Variants in ZKSCAN7 observed in about 807,000 individuals in gnomAD.
ZKSCAN7 encodes zinc finger protein with KRAB and SCAN domains 7.
ZKSCAN7 carries 38 observed loss-of-function variants against 65.3 expected under a neutral mutation model. That is an observed-to-expected ratio of 0.58 (90% CI 0.45 to 0.76). ZKSCAN7 has a LOEUF of 0.76. Among genes scored for constraint, ZKSCAN7 ranks in the 30% least tolerant of loss-of-function variants. The pLI is 0.00. For missense variants in ZKSCAN7, 815 were observed against 913.3 expected (o/e 0.89, Z 1.39); for synonymous variants, 321 against 321.0 (o/e 1.00, Z 0.00).
In ZKSCAN7 at chr3:44,571,401, A is replaced by G; in HGVS notation, c.*26A>G. On this transcript the variant is annotated 3_prime_UTR_variant, in exon 6 of 6. Coordinates refer to ENST00000426540, the MANE Select transcript of ZKSCAN7 (RefSeq NM_001288590.2). ...GGTATGGTTCTCTGAGACAGAGAGC[A>G]ACGACCTTTGAGTTAAGCTGTCTTT... 1 of 1,612,158 alleles carries G rather than the reference A, an allele frequency of 6.2e-7. No homozygotes were observed. Among genetic ancestry groups the G allele is most frequent in the Non-Finnish European group, 8.5e-7 (1 of 1,180,026 alleles).
chr3:44,557,365 C>T lies in ZKSCAN7; in HGVS notation c.318C>T (p.Leu106=). ...TGCTTGAGCAGTTCCTGAGCATCCT[C>T]CCTGGGGAGCTCCGGACCTGGGTGC... is the stretch of plus-strand genomic sequence containing the variant. The part of the protein sequence containing the change: ...LLVLEQFLSI[L]PGELRTWVQL... Residue 106 remains leucine, a synonymous_variant, in exon 2 of 6, where the codon CTC becomes CTT. Transcript: ENST00000426540. 6.2e-7 allele frequency: 1 copy of T among 1,614,230 alleles called. No individual in the cohort carries two copies.
downstream of ZKSCAN7, among the ~76,000 whole-genome samples, chr3:44,574,143 ACTTT>A (rs1699879628): frequency 6.6e-6 from 1 of 151,962 alleles, no homozygotes; most frequent in South Asian, 2.1e-4. Context: ...ACAGGGTCTC[ACTTT>A]CTTACCCAGG....
chr3:44,580,793 C>G, intron 5 of ZKSCAN7: 5 of 1,612,858 alleles, frequency 3.1e-6, no homozygotes, highest in Non-Finnish European at 4.2e-6. Flanking sequence ...AGAGGCCATG[C>G]TCGTAAAGGA....
intron 5 of ZKSCAN7, chr3:44,578,105 G>A (rs1699962687): frequency 1.9e-6 from 3 of 1,563,000 alleles, no homozygotes; most frequent in Admixed American, 3.3e-5. Context: ...CACTGTCAGG[G>A]GACTTTTCCC....
intron 5 of ZKSCAN7, chr3:44,580,146 T>C (rs1387501923): frequency 6.2e-7 from 1 of 1,610,742 alleles, no homozygotes. Context: ...CCTCCTGTGG[T>C]TGGGGGTGCT....
At chr3:44,568,246 C>A in intron 4 of ZKSCAN7, 61 bp from the exon 5 acceptor site, 7 of 1,588,520 alleles carry the variant, frequency 4.4e-6, no homozygotes, top group Non-Finnish European at 6.0e-6. Context: ...CCTTCGTACC[C>A]CTGATGACTC....
At chr3:44,574,340 C>A (rs1357637475), downstream of ZKSCAN7, among the ~76,000 whole-genome samples, 1 of 152,118 alleles carries the variant, frequency 6.6e-6, no homozygotes, top group Admixed American at 6.5e-5. Context: ...TCTTGAACTC[C>A]TGGGCTCAAG....
Position 44,570,944 on chromosome 3 carries a change from T to C in ZKSCAN7, c.1834T>C (p.Cys612Arg), listed in dbSNP as rs1699789019. ...TGEKPFECSE[C>R]GKAFGLSKCL... ...AGAAAAACCTTTTGAATGTAGCGAG[T>C]GTGGTAAGGCATTTGGTCTGAGTAA... is the stretch of plus-strand genomic sequence containing the variant. The change falls in exon 6 of 6, where the codon TGT (cysteine) becomes CGT (arginine). Residue 612 changes from cysteine (C) to arginine (R), a missense_variant. Cys to Arg is a radical substitution (Grantham distance 180). Around this residue, in one of 3 missense-constraint regions of ZKSCAN7, gnomAD observed 578 missense variants for 629.5 expected, o/e 0.92. Transcript: ENST00000426540. 3 of 1,613,990 alleles carry C rather than the reference T, an allele frequency of 1.9e-6. No individual in the cohort carries two copies. Among genetic ancestry groups the C allele is most frequent in the Non-Finnish European group, 2.5e-6 (3 of 1,179,996 alleles).
rs1282992109 is a variant in ZKSCAN7 at position 44,558,758 on chromosome 3, C to T, written c.423+1288C>T. Among the ~76,000 whole-genome samples the T allele has an allele frequency of 4.9e-5, 7 of 142,848 alleles. No individual in the cohort carries two copies. In the East Asian group the frequency reaches 8.0e-4, roughly 16 times the overall value. 93.7% of individuals were successfully genotyped at this position (142,848 alleles called of 152,430 possible). A position where few individuals can be genotyped will look rare whatever the true frequency, so the allele number is the denominator to read the frequency against. Reference sequence around the variant, plus strand: ...ATTCTCTTTCTTCTTCTTTCTTCCTCGTCTGCTTTCTCCTTTCTTCTTCAT... The same window carrying T: ...ATTCTCTTTCTTCTTCTTTCTTCCTTGTCTGCTTTCTCCTTTCTTCTTCAT... On this transcript the variant is annotated intron_variant, in intron 2 of 5. Transcript: ENST00000426540.
intron 5 of ZKSCAN7, among the ~76,000 whole-genome samples, chr3:44,581,207 C>T (rs1700076984): frequency 1.4e-5 from 2 of 147,024 alleles, no homozygotes; most frequent in South Asian, 2.1e-4. Context: ...GGCCTCACAG[C>T]GCGCGCGACG....
At chr3:44,583,151 C>T (rs1700128978) in exon 6 of ZKSCAN7, 1 of 291,360 alleles carries the variant, frequency 3.4e-6, no homozygotes, top group Non-Finnish European at 6.8e-6. Flanking sequence ...TGGTTTCGAA[C>T]TCCTGACCTC....
chr3:44,579,623 C>G (rs1205002470), intron 5 of ZKSCAN7, among the ~76,000 whole-genome samples: 2 of 152,150 alleles, frequency 1.3e-5, no homozygotes, highest in Non-Finnish European at 2.9e-5. Context: ...CCAGTTCCGC[C>G]GAATCCCAGA....
chr3:44,580,863 T>C, intron 5 of ZKSCAN7: 1 of 1,613,648 alleles, frequency 6.2e-7, no homozygotes. Context: ...GTCGGTCCCA[T>C]CTGGAGCCAG....
At position 44,570,552 on chromosome 3, in the gene ZKSCAN7, G is replaced by A. The variant is rs151136580; in HGVS notation, c.1442G>A (p.Arg481Gln). 19 of 1,612,274 alleles carry A rather than the reference G, an allele frequency of 1.2e-5. No homozygotes were observed. Among genetic ancestry groups the A allele is most frequent in the South Asian group, 4.4e-5 (4 of 90,970 alleles). Residue 481 changes from arginine (R) to glutamine (Q), a missense_variant, in exon 6 of 6, where the codon CGA becomes CAA. Arg to Gln is a conservative substitution (Grantham distance 43). Coordinates refer to ENST00000426540, the MANE Select transcript of ZKSCAN7 (RefSeq NM_001288590.2). ...ECAKAFTQSS[R>Q]LTDHQRTHTG... ...GCAAAAGCCTTTACTCAGAGTTCCCGACTCACTGACCACCAGAGAACCCAT... is the reference window on the plus strand; with the variant it reads ...GCAAAAGCCTTTACTCAGAGTTCCCAACTCACTGACCACCAGAGAACCCAT...
In ZKSCAN7 at chr3:44,570,922, A is replaced by C; in HGVS notation, c.1812A>C (p.Glu604Asp). ...LIEHERIHTG[E>D]KPFECSECGK... is the part of the protein sequence containing the mutation. ...AGCATGAGCGAATTCATACTGGAGA[A>C]AAACCTTTTGAATGTAGCGAGTGTG... The change falls in exon 6 of 6, where the codon GAA becomes GAC. Residue 604 changes from glutamate to aspartate, a missense_variant. Transcript: ENST00000426540. 1 of 1,614,060 alleles carries C rather than the reference A, an allele frequency of 6.2e-7. No individual in the cohort carries two copies. Among genetic ancestry groups the C allele is most frequent in the Non-Finnish European group, 8.5e-7 (1 of 1,179,980 alleles).
chr3:44,576,952 T>G (rs1419595032), downstream of ZKSCAN7, among the ~76,000 whole-genome samples: 7 of 152,244 alleles, frequency 4.6e-5, no homozygotes, highest in South Asian at 1.5e-3. Context: ...TTACTCCACA[T>G]TGGAAACAAA....
chr3:44,574,576 G>A (rs374565478), downstream of ZKSCAN7, among the ~76,000 whole-genome samples: 67 of 152,152 alleles, frequency 4.4e-4, no homozygotes, highest in African/African-American at 7.7e-4. Context: ...ATTCTGTTGC[G>A]TTTAGGAAGT....
chr3:44,581,062 C>G (rs1170369989), intron 5 of ZKSCAN7: 2 of 1,339,250 alleles, frequency 1.5e-6, no homozygotes, highest in Non-Finnish European at 1.9e-6. Flanking sequence ...CAGGCCCGGC[C>G]GGCCTGGCGC....
At chr3:44,558,384 G>A (rs927208935) in intron 2 of ZKSCAN7, among the ~76,000 whole-genome samples, 1 of 152,074 alleles carries the variant, frequency 6.6e-6, no homozygotes, top group Non-Finnish European at 1.5e-5. Context: ...AATTTGCTAG[G>A]TAGGGTGGCA....
Sources: gnomAD v4.1 joint callset for allele counts (sites outside exome capture counted in the v4.1 genomes callset) on GRCh38, gnomAD v4.1.1 for gene constraint, gnomAD v4.1.1 regional missense constraint, MANE v1.5 for transcripts, NCBI Gene and HGNC (gene_info 2026-07-23, HGNC 2026-07-21) for gene names.